Variants in ASPRV1 observed in about 807,000 individuals in gnomAD.
The protein encoded by ASPRV1 is aspartic peptidase retroviral like 1, also known as retroviral-like aspartic protease 1.
In ASPRV1, 7 loss-of-function variants were observed where a neutral mutation model predicts 11.0. That is an observed-to-expected ratio of 0.64 (90% confidence interval 0.36 to 1.20). The LOEUF (loss-of-function observed/expected upper bound fraction) is 1.20. Ranked by LOEUF, ASPRV1 falls within the 50% of genes most tolerant of loss-of-function variation. ASPRV1 has a pLI of 0.02. For missense variants in ASPRV1, 299 were observed against 320.0 expected (o/e 0.93, Z 0.50); for synonymous variants, 136 against 138.4 (o/e 0.98, Z 0.12).
chr2:69,964,140 T>C (rs1397953790), upstream of ASPRV1: 1 of 269,994 alleles, frequency 3.7e-6, no homozygotes, highest in Non-Finnish European at 7.5e-6. Flanking sequence ...CAAAGCACTG[T>C]GGCTGGTGAT....
At chr2:70,044,072 C>G in the ASPRV1 span, among the ~76,000 whole-genome samples, 1 of 152,142 alleles carries the variant, frequency 6.6e-6, no homozygotes, top group East Asian at 1.9e-4. Flanking sequence ...GCCTTCTCCT[C>G]CCTATCCCTT....
the ASPRV1 span, among the ~76,000 whole-genome samples, chr2:70,072,756 AAAT>A: frequency 6.6e-6 from 1 of 151,656 alleles, no homozygotes; most frequent in Non-Finnish European, 1.5e-5. Context: ...ATAAAAACAA[AAAT>A]AATAATTTTT....
chr2:70,063,607 T>C, the ASPRV1 span, among the ~76,000 whole-genome samples: 3 of 152,282 alleles, frequency 2.0e-5, no homozygotes, highest in East Asian at 5.8e-4. Flanking sequence ...GAGTTGAACC[T>C]GACATATTTA....
chr2:69,993,098 G>A, the ASPRV1 span, among the ~76,000 whole-genome samples: 2 of 152,226 alleles, frequency 1.3e-5, no homozygotes, highest in East Asian at 3.8e-4. Context: ...ACGTGGCCAG[G>A]GAGTGGGGAG....
upstream of ASPRV1, chr2:69,962,755 C>T (rs966233873): frequency 9.1e-5 from 15 of 165,068 alleles, no homozygotes; most frequent in Non-Finnish European, 1.6e-4. Flanking sequence ...ACCCACTCCT[C>T]GTTGAGCGTG....
chr2:70,059,033 G>A, the ASPRV1 span, among the ~76,000 whole-genome samples: 24 of 149,708 alleles, frequency 1.6e-4, no homozygotes, highest in East Asian at 3.1e-3. Flanking sequence ...GACTACAGGC[G>A]CCCGCCACTA....
chr2:70,045,738 C>CA, the ASPRV1 span: 26 of 152,162 alleles, frequency 1.7e-4, no homozygotes, highest in African/African-American at 5.8e-4. Flanking sequence ...GCCTGGCCAA[C>CA]ATGGTGAAAC....
At chr2:70,022,134 C>A in the ASPRV1 span, among the ~76,000 whole-genome samples, 1 of 151,902 alleles carries the variant, frequency 6.6e-6, no homozygotes, top group Non-Finnish European at 1.5e-5. Flanking sequence ...CCCGCCTCAG[C>A]CTCCTGAGTA....
At chr2:70,050,347 T>TA in the ASPRV1 span, 5 of 151,932 alleles carry the variant, frequency 3.3e-5, no homozygotes, top group African/African-American at 1.2e-4. Context: ...CATATCAAAA[T>TA]AAATACCAGA....
chr2:70,071,882 C>A, the ASPRV1 span: 1 of 151,872 alleles, frequency 6.6e-6, no homozygotes, highest in African/African-American at 2.4e-5. Context: ...GGCGGGAGGA[C>A]TGATTGAGGT....
chr2:70,048,827 A>G, the ASPRV1 span: 7 of 152,234 alleles, frequency 4.6e-5, no homozygotes, highest in Non-Finnish European at 1.0e-4. Flanking sequence ...GGTGGTTATC[A>G]GCAATCCTTG....
the ASPRV1 span, among the ~76,000 whole-genome samples, chr2:70,073,693 C>T: frequency 1.3e-5 from 2 of 152,134 alleles, no homozygotes; most frequent in East Asian, 3.9e-4. Context: ...ACCCAAGCCT[C>T]AACCAAAGCA....
chr2:69,980,659 C>G, the ASPRV1 span, among the ~76,000 whole-genome samples: 1 of 152,280 alleles, frequency 6.6e-6, no homozygotes, highest in South Asian at 2.1e-4. Flanking sequence ...TTAGTTTTGG[C>G]AAATGTACCC....
chr2:70,049,796 G>A, the ASPRV1 span: 1 of 152,150 alleles, frequency 6.6e-6, no homozygotes, highest in Non-Finnish European at 1.5e-5. Flanking sequence ...TTCACCCCAT[G>A]GTTTGGTAAT....
At chr2:69,935,250 A>G in the ASPRV1 span, 1 of 786,860 alleles carries the variant, frequency 1.3e-6, no homozygotes, top group Non-Finnish European at 2.2e-6. Context: ...TTGCCATCGC[A>G]AGGCCTGGGC....
the ASPRV1 span, among the ~76,000 whole-genome samples, chr2:70,048,279 G>C: frequency 1.3e-5 from 2 of 151,466 alleles, no homozygotes; most frequent in East Asian, 3.9e-4. Context: ...GCCGGGCGTG[G>C]TGGCAGGTGC....
chr2:69,959,884 C>T (rs1002686303), downstream of ASPRV1, among the ~76,000 whole-genome samples: 99 of 152,260 alleles, frequency 6.5e-4, no homozygotes, highest in African/African-American at 2.1e-3. Flanking sequence ...GGAATTATGA[C>T]GATTCAAAAT....
At chr2:70,027,448 C>T in the ASPRV1 span, among the ~76,000 whole-genome samples, 2 of 152,092 alleles carry the variant, frequency 1.3e-5, no homozygotes, top group Admixed American at 1.3e-4. Context: ...GATATCTGCA[C>T]TCCCATGTTT....
the ASPRV1 span, among the ~76,000 whole-genome samples, chr2:69,946,726 C>T: frequency 3.3e-5 from 5 of 152,126 alleles, no homozygotes; most frequent in Non-Finnish European, 7.4e-5. Flanking sequence ...GCTGTTTAGA[C>T]AACAAACAGT....
Sources: allele counts gnomAD v4.1 joint callset (sites outside exome capture counted in the v4.1 genomes callset), GRCh38; gene constraint gnomAD v4.1.1; transcripts MANE v1.5; gene names NCBI Gene and HGNC (gene_info 2026-07-23, HGNC 2026-07-21).